Variants in PTPN21 observed in about 807,000 individuals in gnomAD.
The protein encoded by PTPN21 is tyrosine-protein phosphatase non-receptor type 21.
A neutral mutation model predicts 131.8 loss-of-function variants in PTPN21; 77 were observed. The ratio of observed to expected loss-of-function variants is 0.58; its 90% confidence interval spans 0.49 to 0.71. PTPN21 has a LOEUF of 0.71. PTPN21 is among the 30% of genes least tolerant of loss of function. The pLI, the probability that PTPN21 is intolerant of heterozygous loss-of-function variation, is 0.00. For synonymous variants in PTPN21, 715 were observed against 621.3 expected (o/e 1.15, Z -2.24); for missense variants, 1,552 against 1,527.1 (o/e 1.02, Z -0.27).
At chr14:88,511,887 C>T (rs1244370381) in intron 3 of PTPN21, among the ~76,000 whole-genome samples, 1 of 152,084 alleles carries the variant, frequency 6.6e-6, no homozygotes, top group African/African-American at 2.4e-5. Context: ...CAATATATGA[C>T]AATAATTATA....
chr14:88,478,110 T>C (rs957784856), intron 13 of PTPN21, among the ~76,000 whole-genome samples: 25 of 152,160 alleles, frequency 1.6e-4, no homozygotes, highest in Non-Finnish European at 3.4e-4. Flanking sequence ...GGCATAACAA[T>C]AGGCTTACTG....
At position 88,511,966 on chromosome 14, in the gene PTPN21, T is replaced by C. The variant is rs1338522502; in HGVS notation, c.351-3946A>G. 2.0e-5 allele frequency among the ~76,000 whole-genome samples: 3 copies of C among 152,318 alleles called. No homozygotes were observed. The South Asian group carries it at 6.2e-4, about 32-fold the overall frequency. ...TAATGTATGAAGAGGCAGCCTTTTT[T>C]CTTCATCTGTTTTTCTTAGACTAGT... On this transcript the variant is annotated intron_variant, in intron 3 of 18. Transcript: ENST00000556564.
At chr14:88,550,035 C>T (rs1237450528) in intron 2 of PTPN21, among the ~76,000 whole-genome samples, 2 of 152,128 alleles carry the variant, frequency 1.3e-5, no homozygotes, top group Non-Finnish European at 1.5e-5. Context: ...TCGCCCGCCT[C>T]GGCCTCCCAA....
At chr14:88,513,598 G>GCAC (rs1036956942) in intron 3 of PTPN21, 14 of 152,140 alleles carry the variant, frequency 9.2e-5, no homozygotes, top group African/African-American at 3.4e-4. Context: ...AAAACTCCAG[G>GCAC]CACCAAAGTG....
chr14:88,482,393 G>C (rs1397476263), intron 12 of PTPN21, among the ~76,000 whole-genome samples: 1 of 152,150 alleles, frequency 6.6e-6, no homozygotes, highest in African/African-American at 2.4e-5. Flanking sequence ...GGGAGGCCAA[G>C]GTGGGCAGAT....
intron 2 of PTPN21, among the ~76,000 whole-genome samples, chr14:88,536,320 T>C (rs1283434384): frequency 6.6e-5 from 10 of 152,246 alleles, no homozygotes. Context: ...AATTTTTTCA[T>C]AGCTACTCTT....
chr14:88,545,084 C>T (rs1374972157), intron 2 of PTPN21, among the ~76,000 whole-genome samples: 1 of 152,174 alleles, frequency 6.6e-6, no homozygotes, highest in Non-Finnish European at 1.5e-5. Context: ...ATCTGCCCAC[C>T]TCGGCCTCCC....
At chr14:88,482,052 T>G (rs550874403) in intron 12 of PTPN21, among the ~76,000 whole-genome samples, 2 of 152,322 alleles carry the variant, frequency 1.3e-5, no homozygotes, top group East Asian at 3.9e-4. Context: ...CAGGTGACCT[T>G]TATTATTACT....
Position 88,502,938 on chromosome 14 carries a change from G to C in PTPN21, c.587+1487C>G, listed in dbSNP as rs186355614. On this transcript the variant is annotated intron_variant, in intron 6 of 18. Transcript: ENST00000556564. ...GTCACTGTGTGGATTTGAGTGGAGA[G>C]AGACTAGAGGCAAAAGTTTATTTTA... 4.6e-5 allele frequency among the ~76,000 whole-genome samples: 7 copies of C among 152,216 alleles called. No individual in the cohort carries two copies. In the East Asian group the frequency reaches 1.4e-3, roughly 29 times the overall value.
intron 13 of PTPN21, among the ~76,000 whole-genome samples, chr14:88,475,743 G>C (rs895663788): frequency 5.3e-5 from 8 of 152,174 alleles, no homozygotes; most frequent in African/African-American, 1.9e-4. Flanking sequence ...TGGCTCACAA[G>C]GTTCCTGAAC....
intron 12 of PTPN21, among the ~76,000 whole-genome samples, chr14:88,484,023 T>C (rs1200994480): frequency 6.6e-6 from 1 of 151,026 alleles, no homozygotes; most frequent in East Asian, 2.0e-4. Flanking sequence ...ACTTGTCTTA[T>C]CTTAAACTAT....
At chr14:88,500,737 C>T in intron 8 of PTPN21, 46 bp downstream of exon 8, 1 of 1,310,008 alleles carries the variant, frequency 7.6e-7, no homozygotes, top group Middle Eastern at 1.8e-4. Context: ...AAATGTATCA[C>T]CAACAGGAGC....
intron 15 of PTPN21, 134 bp from the exon 16 acceptor site, chr14:88,470,184 C>T (rs1329020244): frequency 2.6e-6 from 2 of 761,012 alleles, no homozygotes; most frequent in Admixed American, 2.9e-5. Context: ...CTGGATTATT[C>T]AGCAGAATAA....
Position 88,521,549 on chromosome 14 carries a change from C to T in PTPN21, c.181-4288G>A, listed in dbSNP as rs1372985897. Among the ~76,000 whole-genome samples the T allele has an allele frequency of 3.3e-5, 5 of 149,258 alleles. No homozygotes were observed. The East Asian group carries it at 1.0e-3, about 30-fold the overall frequency. On this transcript the variant is annotated intron_variant, in intron 2 of 18. Coordinates refer to ENST00000556564, the MANE Select transcript of PTPN21 (RefSeq NM_007039.4). ...TCCCAAGTAGCTAGGATTACAGGCA[C>T]CCGCCACCACGCCCAACTTTTTTTT...
Position 88,468,196 on chromosome 14 carries a change from G to C in PTPN21, c.3466C>G (p.Gln1156Glu). 5.6e-6 allele frequency: 9 copies of C among 1,612,738 alleles called. No homozygotes were observed. Among genetic ancestry groups the C allele is most frequent in the Non-Finnish European group, 7.6e-6 (9 of 1,178,872 alleles). Reference protein sequence around the residue: ...QRMMLVQTLCQYTFVYRVLIQ... With the variant: ...QRMMLVQTLCEYTFVYRVLIQ... ...AGGACTCTGTACACAAATGTGTACTGGCAGAGAGTCTGCACCAGCATCATT... is the reference window on the plus strand; with the variant it reads ...AGGACTCTGTACACAAATGTGTACTCGCAGAGAGTCTGCACCAGCATCATT... Residue 1156 changes from glutamine to glutamate, a missense_variant, in exon 19 of 19, where the codon CAG becomes GAG. This residue lies in a region of PTPN21 where 316 missense variants were observed against 378.5 expected (regional missense o/e 0.83). Coordinates refer to ENST00000556564, the MANE Select transcript of PTPN21 (RefSeq NM_007039.4).
intron 1 of PTPN21, among the ~76,000 whole-genome samples, chr14:88,553,961 C>G (rs1861742103): frequency 6.6e-6 from 1 of 152,020 alleles, no homozygotes; most frequent in Non-Finnish European, 1.5e-5. Context: ...CGTAGATGCT[C>G]CAGAATAAAA....
Position 88,473,706 on chromosome 14 carries a change from C to A in PTPN21, c.2608G>T (p.Glu870Ter), listed in dbSNP as rs201649785. The change falls in exon 14 of 19, where the codon GAA (glutamate) becomes TAA (stop). Residue 870 changes from glutamate (E) to a stop codon, truncating the protein, a stop_gained. Transcript: ENST00000556564. LOFTEE classifies it high-confidence loss of function. ...LSLSRVPLPD[E>*]GKEVATRATN... ...GCTCTGGTAGCCACTTCCTTTCCTTCATCAGGCAGAGGCACTCGAGATAGG... is the reference window on the plus strand; with the variant it reads ...GCTCTGGTAGCCACTTCCTTTCCTTAATCAGGCAGAGGCACTCGAGATAGG... 3 of 1,613,132 alleles carry A rather than the reference C, an allele frequency of 1.9e-6. No individual in the cohort carries two copies. Among genetic ancestry groups the A allele is most frequent in the East Asian group, 4.5e-5 (2 of 44,840 alleles).
chr14:88,530,445 C>G lies in PTPN21; in HGVS notation c.181-13184G>C, dbSNP rs530423335. 4.2e-4 allele frequency among the ~76,000 whole-genome samples: 64 copies of G among 152,208 alleles called. No individual in the cohort carries two copies. In the South Asian group the frequency reaches 0.013, roughly 30 times the overall value. Reference sequence around the variant, plus strand: ...CAGTACCTCACATTTCAGTACTAACCTTGAATGTAAATGGTCCTAAATGCT... The same window carrying G: ...CAGTACCTCACATTTCAGTACTAACGTTGAATGTAAATGGTCCTAAATGCT... On this transcript the variant is annotated intron_variant, in intron 2 of 18. Coordinates refer to ENST00000556564, the MANE Select transcript of PTPN21 (RefSeq NM_007039.4).
rs148922367 is a variant in PTPN21 at position 88,533,773 on chromosome 14, A to G, written c.180+16465T>C. On this transcript the variant is annotated intron_variant, in intron 2 of 18. Coordinates refer to ENST00000556564, the MANE Select transcript of PTPN21 (RefSeq NM_007039.4). ...TGGTGTAGACCCAACTAGGAGGCTG[A>G]GGCAGGAGGATTGCTTGAGCCCAGA... Among the ~76,000 whole-genome samples the G allele has an allele frequency of 2.0e-3, 305 of 152,156 alleles. 2 individuals are homozygous for G. The highest frequency in any genetic ancestry group is 0.014 in the South Asian group (66 of 4,816).
Sources: allele counts gnomAD v4.1 joint callset (sites outside exome capture counted in the v4.1 genomes callset), GRCh38; gene constraint gnomAD v4.1.1; regional missense constraint gnomAD v4.1.1; transcripts MANE v1.5; gene names NCBI Gene and HGNC (gene_info 2026-07-23, HGNC 2026-07-21).